The following SMARCD3 variants were observed in gnomAD, a reference collection of about 807,000 sequenced individuals.
SMARCD3 encodes SWI/SNF-related matrix-associated actin-dependent regulator of chromatin subfamily D member 3.
A neutral mutation model predicts 58.0 loss-of-function variants in SMARCD3; 14 were observed. The observed-to-expected ratio is 0.24, with a 90% confidence interval of 0.16 to 0.38. The LOEUF (loss-of-function observed/expected upper bound fraction) is 0.38, where lower values mean the gene tolerates loss of function less well. SMARCD3 is among the 10% of genes least tolerant of loss of function. SMARCD3 has a pLI of 1.00. For synonymous variants in SMARCD3, 253 were observed against 253.8 expected (o/e 1.00, Z 0.03); for missense variants, 408 against 636.9 (o/e 0.64, Z 3.87).
chr7:151,255,382 A>G (rs1431012888), intron 2 of SMARCD3, among the ~76,000 whole-genome samples: 2 of 152,078 alleles, frequency 1.3e-5, no homozygotes, highest in Non-Finnish European at 2.9e-5. Context: ...AAGGGTGGGT[A>G]TGGCCCCCCA....
At chr7:151,260,676 G>A (rs1046693840) in intron 2 of SMARCD3, among the ~76,000 whole-genome samples, 4 of 152,102 alleles carry the variant, frequency 2.6e-5, no homozygotes, top group Non-Finnish European at 5.9e-5. Context: ...TCGTTACCCC[G>A]ACATAGCCAA....
At chr7:151,273,845 C>G (rs1321430135) in intron 2 of SMARCD3, among the ~76,000 whole-genome samples, 3 of 152,204 alleles carry the variant, frequency 2.0e-5, no homozygotes, top group Non-Finnish European at 4.4e-5. Context: ...GTGCCCTGCC[C>G]CATTTTGCCC....
intron 2 of SMARCD3, among the ~76,000 whole-genome samples, chr7:151,270,269 C>T (rs1272753536): frequency 2.0e-5 from 3 of 152,086 alleles, no homozygotes; most frequent in African/African-American, 4.8e-5. Flanking sequence ...GCAGCTCAGG[C>T]GACAGCAGGA....
chr7:151,240,557 C>T, intron 8 of SMARCD3, 35 bp from the exon 9 acceptor site: 4 of 1,438,334 alleles, frequency 2.8e-6, no homozygotes, highest in Non-Finnish European at 3.9e-6. Context: ...AGAGATCACT[C>T]TTCTTGAAGA....
Position 151,243,582 on chromosome 7 carries a change from T to G in SMARCD3, c.333+77A>C. On this transcript the variant is annotated intron_variant, in intron 3 of 12. Coordinates refer to ENST00000262188, the MANE Select transcript of SMARCD3 (RefSeq NM_001003801.2). The surrounding 1 kb of genome is among the most constrained non-coding windows in gnomAD (Gnocchi z 4.4). ...GAAAGTGACTGTGATGCTGAAGCTC[T>G]GCTTCTGAGGGGGGAGGGGAGGGCG... 1.3e-6 allele frequency: 1 copy of G among 798,050 alleles called. No individual in the cohort carries two copies. The highest frequency in any genetic ancestry group is 2.2e-6 in the Non-Finnish European group (1 of 460,050). 49.4% of individuals were successfully genotyped at this position (798,050 alleles called of 1,614,324 possible). A position where few individuals can be genotyped will look rare whatever the true frequency, so the allele number is the denominator to read the frequency against.
intron 2 of SMARCD3, among the ~76,000 whole-genome samples, chr7:151,265,959 A>AT (rs1287020136): frequency 6.6e-6 from 1 of 152,016 alleles, no homozygotes; most frequent in Non-Finnish European, 1.5e-5. Context: ...TTTAACCTCA[A>AT]TTTTTTCTTT....
rs145643723 is a variant in SMARCD3 at position 151,255,005 on chromosome 7, G to A, written c.40-9334C>T. On this transcript the variant is annotated intron_variant, in intron 2 of 13. Coordinates refer to the SMARCD3 transcript ENST00000356800. ...TAAAACCCCCGTGGAAGTGCTGCGC[G>A]GACTCGTCGCCCGGCTGTCCTTGCA... Among the ~76,000 whole-genome samples the A allele has an allele frequency of 7.6e-3, 1,158 of 152,258 alleles. 7 individuals carry two copies. The highest frequency in any genetic ancestry group is 0.017 in the Middle Eastern group (5 of 294).
intron 2 of SMARCD3, among the ~76,000 whole-genome samples, chr7:151,255,504 C>G (rs1268479717): frequency 1.3e-5 from 2 of 152,180 alleles, no homozygotes; most frequent in Admixed American, 1.3e-4. Context: ...CGGAGCACCA[C>G]TCCTGTCCAG....
chr7:151,247,664 T>C (rs1419365198), intron 1 of SMARCD3, among the ~76,000 whole-genome samples: 2 of 150,358 alleles, frequency 1.3e-5, no homozygotes, highest in Non-Finnish European at 3.0e-5. Flanking sequence ...ATCCCAAGAG[T>C]CGCAGCCCCT....
In SMARCD3 at chr7:151,241,703, A is replaced by C. The variant is rs1471008676; in HGVS notation, c.778-50T>G. ...TAGACCAAAGGGAGAGAAAGGAAGG[A>C]GCCCAGGGCCAGGCCATTCAGGACT... On this transcript the variant is annotated intron_variant, in intron 7 of 12. Coordinates refer to ENST00000262188, the MANE Select transcript of SMARCD3 (RefSeq NM_001003801.2). This position sits in a 1 kb window ranked among gnomAD's most constrained non-coding sequence, Gnocchi z 5.3. 7 of 1,554,364 alleles carry C rather than the reference A, an allele frequency of 4.5e-6. No individual in the cohort carries two copies. The highest frequency in any genetic ancestry group is 6.2e-6 in the Non-Finnish European group (7 of 1,136,504).
rs1803395476 is a variant in SMARCD3 at position 151,248,658 on chromosome 7, C to G, written c.-96G>C. On this transcript the variant is annotated 5_prime_UTR_variant, in exon 1 of 13. Transcript: ENST00000262188. The surrounding 1 kb of genome is among the most constrained non-coding windows in gnomAD (Gnocchi z 6.1). ...TTTCCTCCAACTCTCCCCTCTGAGT[C>G]CTGCTGGGCTCTCTCACACTTCTAC... 8.4e-6 allele frequency: 13 copies of G among 1,555,264 alleles called. No homozygotes were observed. In the South Asian group the frequency reaches 1.4e-4, roughly 17 times the overall value.
chr7:151,256,280 T>C (rs1356387412), intron 2 of SMARCD3, among the ~76,000 whole-genome samples: 3 of 151,222 alleles, frequency 2.0e-5, no homozygotes, highest in Non-Finnish European at 2.9e-5. Context: ...AAGCAATTCT[T>C]GTGCCTCGGC....
intron 1 of SMARCD3, among the ~76,000 whole-genome samples, chr7:151,276,406 T>A (rs1467286874): frequency 1.3e-5 from 1 of 76,150 alleles, no homozygotes; most frequent in Middle Eastern, 7.9e-3. Context: ...TGACAGGCAA[T>A]GGGAGGAGGT....
intron 2 of SMARCD3, chr7:151,274,983 C>T (rs763041026): frequency 7.0e-6 from 5 of 717,500 alleles, no homozygotes; most frequent in Non-Finnish European, 1.2e-5. Flanking sequence ...GCCATGGGCA[C>T]TAAGGAGTCC....
At chr7:151,270,353 A>G (rs886356476) in intron 2 of SMARCD3, among the ~76,000 whole-genome samples, 1 of 152,148 alleles carries the variant, frequency 6.6e-6, no homozygotes, top group Non-Finnish European at 1.5e-5. Flanking sequence ...CAGCACCAAG[A>G]GGGATCTGGG....
Position 151,245,363 on chromosome 7 carries a change from T to A in SMARCD3, c.290+97A>T. On this transcript the variant is annotated intron_variant, in intron 2 of 12. Transcript: ENST00000262188. The surrounding 1 kb of genome is among the most constrained non-coding windows in gnomAD (Gnocchi z 6.2). Reference sequence around the variant, plus strand: ...CTCGCTCCCTGCTAATCATTCTTCCTCGCCCCTTCCAATCCCCGCTACTCG... The same window carrying A: ...CTCGCTCCCTGCTAATCATTCTTCCACGCCCCTTCCAATCCCCGCTACTCG... The A allele has an allele frequency of 2.2e-6, 1 of 460,750 alleles. No homozygotes were observed. The allele number at this position is 460,750 out of a possible 1,614,324, so 28.5% of individuals were successfully genotyped here. A position where few individuals can be genotyped will look rare whatever the true frequency, so the allele number is the denominator to read the frequency against.
Position 151,241,849 on chromosome 7 carries a change from T to A in SMARCD3, c.777+28A>T. On this transcript the variant is annotated intron_variant, in intron 7 of 12. Coordinates refer to ENST00000262188, the MANE Select transcript of SMARCD3 (RefSeq NM_001003801.2). This position sits in a 1 kb window ranked among gnomAD's most constrained non-coding sequence, Gnocchi z 5.3. Reference sequence around the variant, plus strand: ...CCTGCCCTGAGGGCCTTGTGTGGCGTGTACGGGGCAGCATGGCAGGTGCAG... The same window carrying A: ...CCTGCCCTGAGGGCCTTGTGTGGCGAGTACGGGGCAGCATGGCAGGTGCAG... 6.3e-7 allele frequency: 1 copy of A among 1,575,634 alleles called. No individual in the cohort carries two copies. Among genetic ancestry groups the A allele is most frequent in the Non-Finnish European group, 8.7e-7 (1 of 1,151,646 alleles).
chr7:151,255,003 G>A (rs539800379), intron 2 of SMARCD3, among the ~76,000 whole-genome samples: 8 of 152,254 alleles, frequency 5.3e-5, no homozygotes, highest in African/African-American at 1.9e-4. Context: ...GAAGTGCTGC[G>A]CGGACTCGTC....
intron 2 of SMARCD3, among the ~76,000 whole-genome samples, chr7:151,270,128 G>C (rs1795131326): frequency 6.6e-6 from 1 of 152,172 alleles, no homozygotes; most frequent in African/African-American, 2.4e-5. Context: ...GTTTCTCCCT[G>C]CAACTCCAAA....
Sources: gnomAD v4.1 joint callset for allele counts (sites outside exome capture counted in the v4.1 genomes callset) on GRCh38, gnomAD v4.1.1 for gene constraint, Gnocchi (gnomAD v3.1) non-coding constraint, MANE v1.5 for transcripts, NCBI Gene and HGNC (gene_info 2026-07-23, HGNC 2026-07-21) for gene names.